The following ESRRG variants were observed in gnomAD, a reference collection of about 807,000 sequenced individuals.
The protein encoded by ESRRG is estrogen-related receptor gamma.
ESRRG carries 13 observed loss-of-function variants against 44.0 expected under a neutral mutation model. The ratio of observed to expected loss-of-function variants is 0.30; its 90% CI spans 0.19 to 0.47. The LOEUF (loss-of-function observed/expected upper bound fraction) is 0.47, where lower values mean the gene tolerates loss of function less well. Among genes scored for constraint, ESRRG ranks in the 20% least tolerant of loss-of-function variants. The pLI is 1.00. For missense variants in ESRRG, 395 were observed against 580.6 expected, an observed-to-expected ratio of 0.68 and a Z score of 3.29; for synonymous variants, 215 against 214.6, an observed-to-expected ratio of 1.00 and a Z score of -0.02.
chr1:216,924,781 C>T (rs56094993), intron 2 of ESRRG, among the ~76,000 whole-genome samples: 1 of 152,124 alleles, frequency 6.6e-6, no homozygotes. Flanking sequence ...GGAAATGTGA[C>T]TTGGGCAAAC....
intron 2 of ESRRG, among the ~76,000 whole-genome samples, chr1:216,652,740 A>G (rs2069317571): frequency 6.6e-6 from 1 of 152,136 alleles, no homozygotes; most frequent in East Asian, 1.9e-4. Flanking sequence ...GAATAAAAGG[A>G]TTTATAATCT....
intron 1 of ESRRG, among the ~76,000 whole-genome samples, chr1:217,004,802 G>A (rs976371941): frequency 6.6e-6 from 1 of 152,120 alleles, no homozygotes; most frequent in African/African-American, 2.4e-5. Context: ...CCTGTGAAAT[G>A]AGAATGATAT....
intron 2 of ESRRG, among the ~76,000 whole-genome samples, chr1:216,728,686 A>C (rs2088066339): frequency 6.6e-6 from 1 of 152,108 alleles, no homozygotes; most frequent in Non-Finnish European, 1.5e-5. Context: ...ATCAAAAAAA[A>C]GCACAATGTA....
At chr1:216,917,818 C>T (rs767626414) in intron 2 of ESRRG, among the ~76,000 whole-genome samples, 5 of 152,148 alleles carry the variant, frequency 3.3e-5, no homozygotes, top group African/African-American at 9.7e-5. Flanking sequence ...ATTTCTTATC[C>T]GCAAATTAAA....
chr1:217,109,568 G>C (rs762688752), intron 1 of ESRRG, among the ~76,000 whole-genome samples: 1 of 152,244 alleles, frequency 6.6e-6, no homozygotes, highest in African/African-American at 2.4e-5. Context: ...ACTTTTAAAG[G>C]TAGTGGAGGG....
At chr1:216,980,354 A>G (rs2073740944) in intron 1 of ESRRG, among the ~76,000 whole-genome samples, 1 of 152,144 alleles carries the variant, frequency 6.6e-6, no homozygotes, top group South Asian at 2.1e-4. Flanking sequence ...ATGTCCCAGA[A>G]AAACCTCAAA....
intron 5 of ESRRG, among the ~76,000 whole-genome samples, chr1:216,533,888 G>T (rs866925905): frequency 1.3e-5 from 2 of 152,028 alleles, no homozygotes; most frequent in Non-Finnish European, 2.9e-5. Context: ...TGTAATAAAG[G>T]CCATGTAATT....
rs11572492 is a variant in ESRRG, at chr1:216,938,831, T to C, written c.-14+751A>G. 5.8e-3 allele frequency among the ~76,000 whole-genome samples: 877 copies of C among 152,244 alleles called. 7 individuals carry two copies. The highest frequency in any genetic ancestry group is 0.02 in the African/African-American group (836 of 41,540). On this transcript the variant is annotated intron_variant, in intron 2 of 7. Coordinates refer to the ESRRG transcript ENST00000359162. ...GTTACAAACCCATGTGAGGGTATGATGAATGCACAGACACTCTCCAACAAA... is the reference window on the plus strand; with the variant it reads ...GTTACAAACCCATGTGAGGGTATGACGAATGCACAGACACTCTCCAACAAA...
intron 2 of ESRRG, among the ~76,000 whole-genome samples, chr1:216,903,783 C>A (rs985751183): frequency 6.6e-6 from 1 of 152,098 alleles, no homozygotes; most frequent in Non-Finnish European, 1.5e-5. Context: ...CTATACCAAC[C>A]ACCCTCTGCA....
chr1:216,515,221 G>A (rs922216377), intron 6 of ESRRG, among the ~76,000 whole-genome samples: 4 of 151,768 alleles, frequency 2.6e-5, no homozygotes, highest in African/African-American at 9.7e-5. Flanking sequence ...GGTAAAATGC[G>A]TATATATAAT....
intron 3 of ESRRG, among the ~76,000 whole-genome samples, chr1:216,600,088 C>T (rs889173233): frequency 6.6e-6 from 1 of 152,162 alleles, no homozygotes; most frequent in African/African-American, 2.4e-5. Flanking sequence ...CTCTAGGAGC[C>T]GGAAGCAGTC....
At chr1:217,106,755 C>G (rs2092601946) in intron 1 of ESRRG, among the ~76,000 whole-genome samples, 1 of 152,198 alleles carries the variant, frequency 6.6e-6, no homozygotes, top group Admixed American at 6.5e-5. Context: ...TATCTCCAGC[C>G]TCTCTGCCTG....
chr1:216,569,192 G>GAAGGA (rs2060298565), intron 3 of ESRRG, among the ~76,000 whole-genome samples: 3 of 74,230 alleles, frequency 4.0e-5, no homozygotes, highest in African/African-American at 1.6e-4. Flanking sequence ...GAAGGGAAGG[G>GAAGGA]AAAGGAAAGG....
At position 216,682,709 on chromosome 1, in the gene ESRRG, A is replaced by AGTGTGTGT. The variant is rs72420221; in HGVS notation, c.57-5226_57-5219dup. Among the ~76,000 whole-genome samples the AGTGTGTGT allele has an allele frequency of 1.0e-3, 147 of 144,754 alleles. 1 individual carries two copies. The highest frequency in any genetic ancestry group is 3.2e-3 in the African/African-American group (125 of 38,600). 95.0% of individuals were successfully genotyped at this position (144,754 alleles called of 152,430 possible). A position where few individuals can be genotyped will look rare whatever the true frequency, so the allele number is the denominator to read the frequency against. ...AAATAAAAAGCTCTTAATACTCTAT[A>AGTGTGTGT]GTGTGTGTGTGTGTGTGTGTGTGTG... On this transcript the variant is annotated intron_variant, in intron 1 of 6. Transcript: ENST00000408911.
rs576949958 is a variant in ESRRG at position 216,611,758 on chromosome 1, T to TA, written c.589+39214dup. ...TATTTTGTACTGTGCTAGAGGTATGTAAAAAAAAAAAAATTCCTATGGGAA... is the reference window on the plus strand; with the variant it reads ...TATTTTGTACTGTGCTAGAGGTATGTAAAAAAAAAAAAAATTCCTATGGGAA... On this transcript the variant is annotated intron_variant, in intron 3 of 6. Transcript: ENST00000408911. Among the ~76,000 whole-genome samples the TA allele has an allele frequency of 7.8e-4, 112 of 144,362 alleles. 1 individual carries two copies. Among genetic ancestry groups the TA allele is most frequent in the South Asian group, 4.4e-3 (20 of 4,506 alleles). 94.7% of individuals were successfully genotyped at this position (144,362 alleles called of 152,430 possible).
At chr1:216,881,761 A>G (rs1425822310) in intron 2 of ESRRG, among the ~76,000 whole-genome samples, 1 of 152,198 alleles carries the variant, frequency 6.6e-6, no homozygotes, top group Admixed American at 6.5e-5. Context: ...TGAAAGGAGG[A>G]TAAAAAGTTA....
intron 2 of ESRRG, among the ~76,000 whole-genome samples, chr1:216,831,418 T>C (rs375320531): frequency 9.9e-5 from 15 of 150,940 alleles, no homozygotes; most frequent in African/African-American, 3.7e-4. Context: ...AAATGAAGCC[T>C]GAGGAGACAG....
intron 3 of ESRRG, among the ~76,000 whole-genome samples, chr1:216,577,290 T>G (rs1006704013): frequency 1.1e-4 from 17 of 151,992 alleles, no homozygotes; most frequent in African/African-American, 4.1e-4. Context: ...TGCTAAAAAT[T>G]TCCTAAACTA....
intron 1 of ESRRG, among the ~76,000 whole-genome samples, chr1:216,940,539 G>C (rs2065046718): frequency 1.3e-5 from 2 of 152,158 alleles, no homozygotes; most frequent in African/African-American, 4.8e-5. Flanking sequence ...AGTTTGTTTG[G>C]TGCATGCCCT....
Sources: gnomAD v4.1 joint callset for allele counts (sites outside exome capture counted in the v4.1 genomes callset) on GRCh38, gnomAD v4.1.1 for gene constraint, MANE v1.5 for transcripts, NCBI Gene and HGNC (gene_info 2026-07-23, HGNC 2026-07-21) for gene names.